Variants in EPS8 observed in about 807,000 individuals in gnomAD.
EPS8 encodes EGFR pathway substrate 8, signaling adaptor, also known as epidermal growth factor receptor kinase substrate 8.
In EPS8, 42 loss-of-function variants were observed where a neutral mutation model predicts 103.8. The observed-to-expected ratio is 0.40, with a 90% CI of 0.32 to 0.52. The LOEUF is 0.52. Ranked by LOEUF, EPS8 falls within the 20% of genes least tolerant of loss-of-function variation. The probability of loss-of-function intolerance (pLI) is 0.40; values close to 1 mark genes in which losing one functional copy is unlikely to be tolerated. For synonymous variants in EPS8, 344 were observed against 344.6 expected (o/e 1.00, Z 0.02); for missense variants, 969 against 1,005.1 (o/e 0.96, Z 0.49).
chr12:15,775,499 A>G (rs1417413298), intron 1 of EPS8, among the ~76,000 whole-genome samples: 1 of 152,190 alleles, frequency 6.6e-6, no homozygotes, highest in Non-Finnish European at 1.5e-5. Flanking sequence ...AAATAGACTT[A>G]TTTTATAAAT....
At chr12:15,658,055 T>G (rs1339226385) in intron 12 of EPS8, 24 bp downstream of exon 12, 7 of 1,418,264 alleles carry the variant, frequency 4.9e-6, no homozygotes, top group Non-Finnish European at 7.0e-6. Context: ...AGAACGATTC[T>G]TTCTTAAACT....
At chr12:15,756,416 T>G (rs1024458990) in intron 1 of EPS8, among the ~76,000 whole-genome samples, 6 of 152,188 alleles carry the variant, frequency 3.9e-5, no homozygotes, top group Non-Finnish European at 5.9e-5. Flanking sequence ...AAAATGTATT[T>G]CTTAATTATT....
intron 1 of EPS8, among the ~76,000 whole-genome samples, chr12:15,722,389 T>C (rs2135979377): frequency 6.6e-6 from 1 of 152,128 alleles, no homozygotes; most frequent in East Asian, 1.9e-4. Context: ...CTAATATTTA[T>C]CATAAAAATC....
At chr12:15,663,951 A>AATAAT (rs67569507) in intron 8 of EPS8, among the ~76,000 whole-genome samples, 13 of 39,664 alleles carry the variant, frequency 3.3e-4, no homozygotes, top group Admixed American at 1.5e-3. Flanking sequence ...AAAAAATAAT[A>AATAAT]TATATATATA....
intron 8 of EPS8, chr12:15,662,466 C>G: frequency 9.9e-7 from 1 of 1,005,370 alleles, no homozygotes; most frequent in Non-Finnish European, 1.2e-6. Flanking sequence ...TTCTCAAAAG[C>G]TGGTCAACTA....
In EPS8 at chr12:15,647,226, C is replaced by A; in HGVS notation, c.1469G>T (p.Gly490Val). 1.9e-6 allele frequency: 3 copies of A among 1,613,658 alleles called. No individual in the cohort carries two copies. Among genetic ancestry groups the A allele is most frequent in the Non-Finnish European group, 2.5e-6 (3 of 1,179,722 alleles). The change falls in exon 15 of 21, where the codon GGC becomes GTC. Residue 490 changes from glycine (G) to valine (V), a missense_variant. Physicochemically the swap from Gly to Val is moderately radical, Grantham distance 109. Transcript: ENST00000281172. ...SSVSEYHPADGYAFSSNIYTR... is the reference protein window; with the variant it reads ...SSVSEYHPADVYAFSSNIYTR... Reference sequence around the variant, plus strand: ...GTAAATGTTGCTACTGAACGCATAGCCATCGGCTGGATGATACTCTGATAC... The same window carrying A: ...GTAAATGTTGCTACTGAACGCATAGACATCGGCTGGATGATACTCTGATAC...
rs1037642105 is a variant in EPS8 at position 15,695,977 on chromosome 12, G to A, written c.-21-13005C>T. On this transcript the variant is annotated intron_variant, in intron 1 of 20. Coordinates refer to ENST00000281172, the MANE Select transcript of EPS8 (RefSeq NM_004447.6). This position sits in a 1 kb window ranked among gnomAD's most constrained non-coding sequence, Gnocchi z 5.0. ...AAAAAGTAAAAATAAAACAGATAGC[G>A]TTTATAAGGATACAAACACAGACTG... Among the ~76,000 whole-genome samples, 3 of 152,108 alleles carry A rather than the reference G, an allele frequency of 2.0e-5. No individual in the cohort carries two copies. The highest frequency in any genetic ancestry group is 6.5e-5 in the Admixed American group (1 of 15,276).
At chr12:15,768,584 A>G (rs1342180434) in intron 1 of EPS8, among the ~76,000 whole-genome samples, 1 of 152,106 alleles carries the variant, frequency 6.6e-6, no homozygotes, top group Non-Finnish European at 1.5e-5. Flanking sequence ...ACATTAAGTC[A>G]CGGAATTTTC....
Position 15,778,403 on chromosome 12 carries a change from A to G in EPS8, c.-22+10758T>C, listed in dbSNP as rs533577789. 5.9e-5 allele frequency among the ~76,000 whole-genome samples: 9 copies of G among 152,324 alleles called. No homozygotes were observed. The South Asian group carries it at 1.7e-3, about 28-fold the overall frequency. On this transcript the variant is annotated intron_variant, in intron 1 of 20. Coordinates refer to ENST00000281172, the MANE Select transcript of EPS8 (RefSeq NM_004447.6). This position sits in a 1 kb window ranked among gnomAD's most constrained non-coding sequence, Gnocchi z 4.5. Reference sequence around the variant, plus strand: ...GCTATTAAATTATTCAGAATCTAACAAGGCCCCACAAAGGAGCTAAATAAA... The same window carrying G: ...GCTATTAAATTATTCAGAATCTAACGAGGCCCCACAAAGGAGCTAAATAAA...
Position 15,761,921 on chromosome 12 carries a change from G to A in EPS8, c.-22+27240C>T, listed in dbSNP as rs768536311. 3.3e-5 allele frequency among the ~76,000 whole-genome samples: 5 copies of A among 151,988 alleles called. No individual in the cohort carries two copies. Among genetic ancestry groups the A allele is most frequent in the South Asian group, 2.1e-4 (1 of 4,824 alleles). On this transcript the variant is annotated intron_variant, in intron 1 of 20. Coordinates refer to ENST00000281172, the MANE Select transcript of EPS8 (RefSeq NM_004447.6). This position sits in a 1 kb window ranked among gnomAD's most constrained non-coding sequence, Gnocchi z 4.5. ...CCTCACGAGAACAGGCAACCAAAAC[G>A]AAAAGGGACAAATGGGATCATATCA...
At chr12:15,625,964 A>G (rs149019500) in intron 18 of EPS8, among the ~76,000 whole-genome samples, 2,591 of 152,300 alleles carry the variant, frequency 0.017, 40 homozygotes, top group Non-Finnish European at 0.026. Context: ...GTATTTCTTA[A>G]ATAGCTCAAA....
In EPS8 at chr12:15,666,012, G is replaced by A. The variant is rs148128085; in HGVS notation, c.600-120C>T. 14 of 1,026,402 alleles carry A rather than the reference G, an allele frequency of 1.4e-5. No homozygotes were observed. The East Asian group carries it at 2.0e-4, about 15-fold the overall frequency. 63.6% of individuals were successfully genotyped at this position (1,026,402 alleles called of 1,614,324 possible). ...AAGAACTATGTCAAGGGACAATAAG[G>A]ATTTCCTAAGCATTACACATTATGC... On this transcript the variant is annotated intron_variant, in intron 7 of 20. Coordinates refer to ENST00000281172, the MANE Select transcript of EPS8 (RefSeq NM_004447.6).
In EPS8 at chr12:15,749,932, A is replaced by G. The variant is rs1945322004; in HGVS notation, c.-22+39229T>C. On this transcript the variant is annotated intron_variant, in intron 1 of 20. Coordinates refer to ENST00000281172, the MANE Select transcript of EPS8 (RefSeq NM_004447.6). This position sits in a 1 kb window ranked among gnomAD's most constrained non-coding sequence, Gnocchi z 4.0. ...GAATCTCCTTCTGTAGAATAGTTAC[A>G]CTTCAGAAACCTAAAAGCCCACTGC... 6.6e-6 allele frequency among the ~76,000 whole-genome samples: 1 copy of G among 152,168 alleles called. No homozygotes were observed. Among genetic ancestry groups the G allele is most frequent in the South Asian group, 2.1e-4 (1 of 4,832 alleles).
chr12:15,668,707 C>T (rs532420323), intron 6 of EPS8, among the ~76,000 whole-genome samples: 2 of 152,218 alleles, frequency 1.3e-5, no homozygotes, highest in East Asian at 1.9e-4. Context: ...AAATCAATAT[C>T]GTGGGAAATG....
In EPS8 at chr12:15,660,806, A is replaced by T. The variant is rs1163081765; in HGVS notation, c.811-66T>A. The T allele has an allele frequency of 4.4e-6, 4 of 909,124 alleles. No homozygotes were observed. The East Asian group carries it at 1.1e-4, about 25-fold the overall frequency. The allele number at this position is 909,124 out of a possible 1,614,324, so 56.3% of individuals were successfully genotyped here. A position where few individuals can be genotyped will look rare whatever the true frequency, so the allele number is the denominator to read the frequency against. ...ATTTTTACCTTAGCTGTACTCTGTT[A>T]GTAAATAATAGAAAGGTTTTTTTAG... On this transcript the variant is annotated intron_variant, in intron 9 of 20. Coordinates refer to ENST00000281172, the MANE Select transcript of EPS8 (RefSeq NM_004447.6).
intron 1 of EPS8, among the ~76,000 whole-genome samples, chr12:15,692,311 G>A (rs1166021990): frequency 7.4e-6 from 1 of 134,902 alleles, no homozygotes; most frequent in Non-Finnish European, 1.6e-5. Flanking sequence ...TAGATTGAAA[G>A]AGGTTTGGTT....
At position 15,651,015 on chromosome 12, in the gene EPS8, G is replaced by A. The variant is rs753761158; in HGVS notation, c.1251-9C>T. The A allele has an allele frequency of 1.2e-6, 2 of 1,608,252 alleles. No homozygotes were observed. The highest frequency in any genetic ancestry group is 1.7e-6 in the Non-Finnish European group (2 of 1,177,010). The stretch of plus-strand genomic sequence containing the variant: ...CTTTTGGCCACTCTGCTCTGCAGGA[G>A]GGAATGAAGGCATATAAACAATAAA... On this transcript the variant is annotated splice_polypyrimidine_tract_variant and intron_variant, in intron 13 of 20. Transcript: ENST00000281172.
chr12:15,629,612 C>T (rs375512316), intron 18 of EPS8, among the ~76,000 whole-genome samples: 7 of 152,306 alleles, frequency 4.6e-5, no homozygotes, highest in Middle Eastern at 3.4e-3. Flanking sequence ...TACACACTCA[C>T]GCACACAGTT....
At position 15,681,243 on chromosome 12, in the gene EPS8, C is replaced by A; in HGVS notation, c.119G>T (p.Ser40Ile). The change falls in exon 3 of 21, where the codon AGT (serine) becomes ATT (isoleucine). Residue 40 changes from serine (S) to isoleucine (I), a missense_variant. By Grantham distance (142) the Ser-to-Ile change is moderately radical. Transcript: ENST00000281172. ...AAACCTACCATAAAGGGCCTTTGCA[C>A]TTGTTTTTGAACCATGTTCTCTGTC... ...QTDREHGSKTSAKALYEQRKN... is the reference protein window; with the variant it reads ...QTDREHGSKTIAKALYEQRKN... 1 of 1,568,734 alleles carries A rather than the reference C, an allele frequency of 6.4e-7. No homozygotes were observed. The highest frequency in any genetic ancestry group is 8.7e-7 in the Non-Finnish European group (1 of 1,152,802).
Sources: gnomAD v4.1 joint callset for allele counts (sites outside exome capture counted in the v4.1 genomes callset) on GRCh38, gnomAD v4.1.1 for gene constraint, Gnocchi (gnomAD v3.1) non-coding constraint, MANE v1.5 for transcripts, NCBI Gene and HGNC (gene_info 2026-07-23, HGNC 2026-07-21) for gene names.